The following ATP8B1 variants were observed in gnomAD, a reference collection of about 807,000 sequenced individuals.
The protein encoded by ATP8B1 is ATPase phospholipid transporting 8B1.
A neutral mutation model predicts 149.9 loss-of-function variants in ATP8B1; 80 were observed. The observed-to-expected ratio is 0.53, with a 90% CI of 0.45 to 0.64. ATP8B1 has a LOEUF of 0.64. ATP8B1 is among the 30% of genes least tolerant of loss of function. ATP8B1 has a pLI of 0.00. For synonymous variants in ATP8B1, 536 were observed against 562.8 expected, an observed-to-expected ratio of 0.95 and a Z score of 0.67; for missense variants, 1,247 against 1,552.6, an observed-to-expected ratio of 0.80 and a Z score of 3.31.
intron 11 of ATP8B1, among the ~76,000 whole-genome samples, chr18:57,693,221 A>C (rs1912628276): frequency 6.6e-6 from 1 of 152,232 alleles, no homozygotes; most frequent in Non-Finnish European, 1.5e-5. Flanking sequence ...TGAATTAAAT[A>C]CTTGAAAAAA....
At chr18:57,718,623 C>A (rs932575625) in intron 2 of ATP8B1, among the ~76,000 whole-genome samples, 1 of 152,088 alleles carries the variant, frequency 6.6e-6, no homozygotes, top group African/African-American at 2.4e-5. Context: ...AAATCCTCAA[C>A]AAAATACTAG....
In ATP8B1 at chr18:57,731,815, G is replaced by C. The variant is rs1408069271; in HGVS notation, c.-8C>G. 1 of 1,613,904 alleles carries C rather than the reference G, an allele frequency of 6.2e-7. No homozygotes were observed. Among genetic ancestry groups the C allele is most frequent in the Non-Finnish European group, 8.5e-7 (1 of 1,179,958 alleles). ...GTCTCTTTCTGTACTCATTCTGCTGGCAAATTGGAACTACCTGCTTAAAAG... is the reference window on the plus strand; with the variant it reads ...GTCTCTTTCTGTACTCATTCTGCTGCCAAATTGGAACTACCTGCTTAAAAG... On this transcript the variant is annotated 5_prime_UTR_variant, in exon 2 of 28. Transcript: ENST00000648908.
chr18:57,672,996 T>TATATATATAAATATAC (rs1911359978), intron 16 of ATP8B1, among the ~76,000 whole-genome samples: 1 of 5,310 alleles, frequency 1.9e-4, no homozygotes, highest in Non-Finnish European at 3.3e-4. Context: ...TAAATACATG[T>TATATATATAAATATAC]ATATATAAAT....
chr18:57,714,163 T>TGTG (rs942105535), intron 2 of ATP8B1, among the ~76,000 whole-genome samples: 2 of 152,120 alleles, frequency 1.3e-5, no homozygotes, highest in Non-Finnish European at 2.9e-5. Context: ...CTCATAGGCC[T>TGTG]GTGGTGGTGG....
chr18:57,686,110 A>C (rs182653), intron 13 of ATP8B1, among the ~76,000 whole-genome samples: 87,419 of 151,364 alleles, frequency 0.58, 25,684 homozygotes, highest in East Asian at 0.72. Context: ...ACAACAACAA[A>C]AATTAGCCAG....
At chr18:57,658,792 C>T (rs769636550) in intron 22 of ATP8B1, among the ~76,000 whole-genome samples, 2 of 152,054 alleles carry the variant, frequency 1.3e-5, no homozygotes, top group African/African-American at 2.4e-5. Flanking sequence ...CAGCCTCCCA[C>T]GTAGCTGGGA....
At chr18:57,708,157 C>CAAAA (rs36027330) in intron 2 of ATP8B1, among the ~76,000 whole-genome samples, 8,323 of 66,918 alleles carry the variant, frequency 0.12, 550 homozygotes, top group Non-Finnish European at 0.19. Flanking sequence ...AACTCTGTCT[C>CAAAA]AAAAAAAAAA....
chr18:57,764,263 TTTCCTTCC>T (rs200582319), intron 1 of ATP8B1, among the ~76,000 whole-genome samples: 22 of 150,190 alleles, frequency 1.5e-4, no homozygotes, highest in African/African-American at 5.3e-4. Flanking sequence ...TCCTTCCTTC[TTTCCTTCC>T]TTCCTTCCTT....
rs573321061 is a variant in ATP8B1 at position 57,756,210 on chromosome 18, TACACAC to T, written c.-25-24384_-25-24379del. Among the ~76,000 whole-genome samples, 126 of 108,948 alleles carry T rather than the reference TACACAC, an allele frequency of 1.2e-3. 4 individuals carry two copies. The highest frequency in any genetic ancestry group is 5.1e-3 in the Middle Eastern group (1 of 196). The allele number at this position is 108,948 out of a possible 152,430, so 71.5% of individuals were successfully genotyped here. On this transcript the variant is annotated intron_variant, in intron 1 of 27. Coordinates refer to ENST00000648908, the MANE Select transcript of ATP8B1 (RefSeq NM_001374385.1). ...TCCACAACATATATATATATATATA[TACACAC>T]ACACACACACACACACACACATATA...
At chr18:57,768,809 A>G (rs2080241130) in intron 1 of ATP8B1, among the ~76,000 whole-genome samples, 1 of 152,242 alleles carries the variant, frequency 6.6e-6, no homozygotes, top group Non-Finnish European at 1.5e-5. Context: ...AAAATGAAAC[A>G]CACACCCAAG....
chr18:57,766,964 G>A (rs1270456370), intron 1 of ATP8B1, among the ~76,000 whole-genome samples: 2 of 152,162 alleles, frequency 1.3e-5, no homozygotes, highest in Admixed American at 1.3e-4. Flanking sequence ...CAGGTGGAGA[G>A]TGTCCGATTT....
rs374625092 is a variant in ATP8B1 at position 57,697,739 on chromosome 18, G to A, written c.628-51C>T. 4.1e-4 allele frequency: 653 copies of A among 1,611,982 alleles called. 1 individual carries two copies. The highest frequency in any genetic ancestry group is 5.1e-4 in the Non-Finnish European group (603 of 1,178,358). ...ACACCGAGACCCTGAGGGAAAAGCCGAGCACAGGGGCTGGGGGAGAACAAG... is the reference window on the plus strand; with the variant it reads ...ACACCGAGACCCTGAGGGAAAAGCCAAGCACAGGGGCTGGGGGAGAACAAG... On this transcript the variant is annotated intron_variant, in intron 7 of 27. Coordinates refer to ENST00000648908, the MANE Select transcript of ATP8B1 (RefSeq NM_001374385.1).
chr18:57,725,251 T>TAA (rs61391603), intron 2 of ATP8B1, among the ~76,000 whole-genome samples: 24,870 of 144,552 alleles, frequency 0.17, 2,574 homozygotes, highest in East Asian at 0.46. Context: ...TAAAGTATAA[T>TAA]AAAAAAAAAA....
At chr18:57,670,638 T>C (rs1369354180) in intron 17 of ATP8B1, among the ~76,000 whole-genome samples, 1 of 151,910 alleles carries the variant, frequency 6.6e-6, no homozygotes, top group Non-Finnish European at 1.5e-5. Context: ...CGTGAGCTAC[T>C]GCACCCAGCC....
At chr18:57,655,510 C>T in intron 22 of ATP8B1, 93 bp from the exon 23 acceptor site, 1 of 1,108,802 alleles carries the variant, frequency 9.0e-7, no homozygotes, top group Admixed American at 1.8e-5. Context: ...AAACAAAAAA[C>T]AAAGACAGAC....
chr18:57,713,263 C>CTT (rs1555694288), intron 2 of ATP8B1, among the ~76,000 whole-genome samples: 65 of 94,448 alleles, frequency 6.9e-4, no homozygotes, highest in East Asian at 4.6e-4. Flanking sequence ...TTCTTTCTTT[C>CTT]TCTTTCTTTC....
intron 1 of ATP8B1, among the ~76,000 whole-genome samples, chr18:57,764,967 C>A (rs2080197365): frequency 6.6e-6 from 1 of 152,086 alleles, no homozygotes; most frequent in South Asian, 2.1e-4. Flanking sequence ...AGGCAGGAAT[C>A]CGAGCAGATA....
intron 8 of ATP8B1, among the ~76,000 whole-genome samples, chr18:57,697,305 A>G (rs572042623): frequency 6.6e-6 from 1 of 152,212 alleles, no homozygotes; most frequent in Admixed American, 6.5e-5. Flanking sequence ...GACTTTAAAA[A>G]TCTGTTCCTT....
chr18:57,657,172 A>G (rs1910060706), intron 22 of ATP8B1, among the ~76,000 whole-genome samples: 1 of 152,050 alleles, frequency 6.6e-6, no homozygotes, highest in Admixed American at 6.6e-5. Flanking sequence ...AATACTTGTA[A>G]TCAAAAGAGT....
Sources: allele counts gnomAD v4.1 joint callset (sites outside exome capture counted in the v4.1 genomes callset), GRCh38; gene constraint gnomAD v4.1.1; transcripts MANE v1.5; gene names NCBI Gene and HGNC (gene_info 2026-07-23, HGNC 2026-07-21).